The following UGT1A6 variants were observed in gnomAD, a reference collection of about 807,000 sequenced individuals.
The protein encoded by UGT1A6 is UDP glucuronosyltransferase family 1 member A6, also known as UDP-glucuronosyltransferase 1A6.
In UGT1A6, 32 loss-of-function variants were observed where a neutral mutation model predicts 44.4. The observed-to-expected ratio is 0.72, with a 90% CI of 0.54 to 0.97. The LOEUF is 0.97. Ranked by LOEUF, UGT1A6 falls within the 50% of genes least tolerant of loss-of-function variation. UGT1A6 has a pLI of 0.00. For synonymous variants in UGT1A6, 238 were observed against 248.5 expected, an observed-to-expected ratio of 0.96 and a Z score of 0.40; for missense variants, 685 against 661.9, an observed-to-expected ratio of 1.03 and a Z score of -0.38.
intron 1 of UGT1A6, chr2:233,729,195 G>C: frequency 6.2e-7 from 1 of 1,614,030 alleles, no homozygotes; most frequent in Non-Finnish European, 8.5e-7. Context: ...TCAGTGTCCA[G>C]CCCTGGGCTG....
upstream of UGT1A6, chr2:233,692,787 A>C (rs1444664842): frequency 1.5e-6 from 2 of 1,360,804 alleles, no homozygotes; most frequent in Non-Finnish European, 1.9e-6. Context: ...AGCTCAGGTG[A>C]AAGCTGACAC....
intron 1 of UGT1A6, among the ~76,000 whole-genome samples, chr2:233,723,802 C>T (rs1164778615): frequency 1.3e-4 from 6 of 44,668 alleles, no homozygotes; most frequent in Non-Finnish European, 3.8e-5. Context: ...ATCCATTTAA[C>T]CCTGAGTGGA....
At chr2:233,742,286 A>G (rs1691931805) in intron 1 of UGT1A6, among the ~76,000 whole-genome samples, 1 of 152,016 alleles carries the variant, frequency 6.6e-6, no homozygotes, top group African/African-American at 2.4e-5. Context: ...CATCATTTCT[A>G]TAGATTATAG....
chr2:233,754,185 C>T (rs1296616460), intron 1 of UGT1A6: 1 of 159,682 alleles, frequency 6.3e-6, no homozygotes, highest in Non-Finnish European at 1.4e-5. Flanking sequence ...GATTTCACCA[C>T]CACACAGTAA....
chr2:233,707,940 T>C (rs1388971917), intron 1 of UGT1A6, among the ~76,000 whole-genome samples: 2 of 152,248 alleles, frequency 1.3e-5, no homozygotes, highest in Non-Finnish European at 2.9e-5. Context: ...TATCAGTCAT[T>C]TGGATTTCCT....
rs988278598 is a variant in UGT1A6, at chr2:233,758,928, G to A, written c.862-8106G>A. Among the ~76,000 whole-genome samples the A allele has an allele frequency of 5.9e-5, 9 of 152,130 alleles. 1 individual carries two copies. The highest frequency in any genetic ancestry group is 3.3e-4 in the Admixed American group (5 of 15,276). On this transcript the variant is annotated intron_variant, in intron 1 of 4. Coordinates refer to ENST00000305139, the MANE Select transcript of UGT1A6 (RefSeq NM_001072.4). Reference sequence around the variant, plus strand: ...TTGTTTTTGCTCATCTTTCCCTTTTGACTTCAAATCAGTCATCAGAATTTC... The same window carrying A: ...TTGTTTTTGCTCATCTTTCCCTTTTAACTTCAAATCAGTCATCAGAATTTC...
chr2:233,744,582 C>T (rs1692857811), intron 1 of UGT1A6, among the ~76,000 whole-genome samples: 2 of 151,846 alleles, frequency 1.3e-5, no homozygotes, highest in African/African-American at 4.9e-5. Flanking sequence ...CATCGTTTTA[C>T]AGTTTTTGCA....
intron 1 of UGT1A6, among the ~76,000 whole-genome samples, chr2:233,735,578 G>A (rs576016505): frequency 1.6e-4 from 25 of 152,112 alleles, no homozygotes; most frequent in Non-Finnish European, 2.9e-4. Context: ...TATTTTGCCC[G>A]TTAATTGATG....
chr2:233,711,924 T>G (rs1042429850), intron 1 of UGT1A6, among the ~76,000 whole-genome samples: 1 of 152,216 alleles, frequency 6.6e-6, no homozygotes, highest in African/African-American at 2.4e-5. Context: ...GCTCAGGGTC[T>G]CTCCATTAGA....
At chr2:233,764,430 T>C (rs1698558125) in intron 1 of UGT1A6, among the ~76,000 whole-genome samples, 1 of 152,218 alleles carries the variant, frequency 6.6e-6, no homozygotes, top group African/African-American at 2.4e-5. Flanking sequence ...AATCTCCAGA[T>C]GAACTTTTGT....
At chr2:233,751,513 GC>G (rs1314073844) in intron 1 of UGT1A6, among the ~76,000 whole-genome samples, 4 of 152,198 alleles carry the variant, frequency 2.6e-5, no homozygotes, top group African/African-American at 9.6e-5. Context: ...GGGCCAGAGG[GC>G]AGAATGATAT....
chr2:233,724,154 G>C (rs1327662182), intron 1 of UGT1A6, among the ~76,000 whole-genome samples: 4 of 77,640 alleles, frequency 5.2e-5, no homozygotes, highest in African/African-American at 1.4e-4. Flanking sequence ...CTGGCCGGGT[G>C]GGGGGGCTGA....
intron 1 of UGT1A6, among the ~76,000 whole-genome samples, chr2:233,714,112 T>G (rs1306472953): frequency 6.6e-6 from 1 of 152,094 alleles, no homozygotes; most frequent in Non-Finnish European, 1.5e-5. Flanking sequence ...GTGGTGTGAC[T>G]CACGGAGACT....
intron 1 of UGT1A6, chr2:233,743,866 C>G (rs1227330853): frequency 7.3e-7 from 1 of 1,367,058 alleles, no homozygotes; most frequent in Non-Finnish European, 9.8e-7. Context: ...TCTTGATGGC[C>G]TCGGATGAGG....
At chr2:233,710,976 C>A (rs993531240) in intron 1 of UGT1A6, among the ~76,000 whole-genome samples, 3 of 152,198 alleles carry the variant, frequency 2.0e-5, no homozygotes, top group Non-Finnish European at 4.4e-5. Flanking sequence ...GGGGAATATA[C>A]AATCATTCAG....
chr2:233,747,956 T>G, intron 1 of UGT1A6: 1 of 1,613,440 alleles, frequency 6.2e-7, no homozygotes, highest in African/African-American at 1.3e-5. Flanking sequence ...TGGTGGATCT[T>G]CTCAGCCATG....
intron 1 of UGT1A6, chr2:233,747,143 T>C (rs1451311300): frequency 2.6e-6 from 4 of 1,563,162 alleles, no homozygotes; most frequent in African/African-American, 1.4e-5. Context: ...ACAAGGTAAT[T>C]AAGATGAAGA....
intron 1 of UGT1A6, among the ~76,000 whole-genome samples, chr2:233,763,075 G>T (rs563223055): frequency 6.6e-6 from 1 of 152,130 alleles, no homozygotes; most frequent in Non-Finnish European, 1.5e-5. Flanking sequence ...CCTTCTTTGC[G>T]TGAGGATGTT....
chr2:233,759,224 T>C (rs1471050247), intron 1 of UGT1A6, among the ~76,000 whole-genome samples: 1 of 152,116 alleles, frequency 6.6e-6, no homozygotes, highest in Non-Finnish European at 1.5e-5. Flanking sequence ...TTTATGCAAA[T>C]GAAGGATGGA....
Sources: allele counts gnomAD v4.1 joint callset (sites outside exome capture counted in the v4.1 genomes callset), GRCh38; gene constraint gnomAD v4.1.1; transcripts MANE v1.5; gene names NCBI Gene and HGNC (gene_info 2026-07-23, HGNC 2026-07-21).